ZNF827: variants seen among roughly 807,000 people sequenced by gnomAD.
The protein encoded by ZNF827 is zinc finger protein 827.
ZNF827 carries 13 observed loss-of-function variants against 102.4 expected under a neutral mutation model. That is an observed-to-expected ratio of 0.13 (90% CI 0.08 to 0.20). The LOEUF (loss-of-function observed/expected upper bound fraction) is 0.20. ZNF827 is among the 10% of genes least tolerant of loss of function. ZNF827 has a pLI of 1.00. For missense variants in ZNF827, 1,103 were observed against 1,344.4 expected (o/e 0.82, Z 2.81); for synonymous variants, 523 against 536.2 (o/e 0.98, Z 0.34).
intron 1 of ZNF827, among the ~76,000 whole-genome samples, chr4:145,935,772 C>A (rs566279778): frequency 3.0e-4 from 45 of 152,180 alleles, no homozygotes; most frequent in African/African-American, 1.0e-3. Context: ...AAAGGCCCAC[C>A]AAGCACACGA....
At chr4:145,815,626 A>G (rs747721065) in intron 8 of ZNF827, among the ~76,000 whole-genome samples, 1 of 152,244 alleles carries the variant, frequency 6.6e-6, no homozygotes, top group Admixed American at 6.5e-5. Flanking sequence ...AAAAGAAATA[A>G]ACACAAAGAA....
chr4:145,778,113 G>A (rs1737376445), intron 9 of ZNF827, among the ~76,000 whole-genome samples: 1 of 152,042 alleles, frequency 6.6e-6, no homozygotes, highest in Non-Finnish European at 1.5e-5. Flanking sequence ...GCAGCATGGA[G>A]AAACCCCATT....
chr4:145,789,569 A>C (rs1300242102), intron 8 of ZNF827, among the ~76,000 whole-genome samples: 1 of 152,212 alleles, frequency 6.6e-6, no homozygotes, highest in African/African-American at 2.4e-5. Context: ...ACAAAACAAA[A>C]GCAAAAACAG....
intron 8 of ZNF827, among the ~76,000 whole-genome samples, chr4:145,781,396 A>T (rs550711631): frequency 6.6e-6 from 1 of 152,214 alleles, no homozygotes; most frequent in South Asian, 2.1e-4. Context: ...CAGATAGGGA[A>T]GAAGAAACAA....
At chr4:145,787,882 G>A (rs770553401) in intron 8 of ZNF827, among the ~76,000 whole-genome samples, 1 of 152,092 alleles carries the variant, frequency 6.6e-6, no homozygotes, top group African/African-American at 2.4e-5. Flanking sequence ...CTTGCACAGG[G>A]TCAAGTAACC....
At chr4:145,840,238 C>T (rs1745278689) in intron 7 of ZNF827, among the ~76,000 whole-genome samples, 1 of 152,236 alleles carries the variant, frequency 6.6e-6, no homozygotes, top group African/African-American at 2.4e-5. Context: ...TGAAAAGACT[C>T]TCAAGTCCGC....
intron 3 of ZNF827, among the ~76,000 whole-genome samples, chr4:145,892,033 G>GGTT (rs1041157454): frequency 7.2e-5 from 11 of 152,204 alleles, no homozygotes; most frequent in Non-Finnish European, 1.5e-4. Context: ...GGATATCGAA[G>GGTT]GTTCTCTCTC....
Position 145,849,494 on chromosome 4 carries a change from G to C in ZNF827, c.2049C>G (p.Asp683Glu). The C allele has an allele frequency of 6.2e-7, 1 of 1,614,194 alleles. No homozygotes were observed. The highest frequency in any genetic ancestry group is 8.5e-7 in the Non-Finnish European group (1 of 1,180,042). Residue 683 changes from aspartate (D) to glutamate (E), a missense_variant, in exon 6 of 15, where the codon GAC becomes GAG. Physicochemically the swap from Asp to Glu is conservative, Grantham distance 45. Transcript: ENST00000508784. Reference sequence around the variant, plus strand: ...GGCTGGGTGATATCGAGACATGGGAGTCCTGGATGTCAACCTCCATGGGTT... The same window carrying C: ...GGCTGGGTGATATCGAGACATGGGACTCCTGGATGTCAACCTCCATGGGTT... ...KEEPMEVDIQ[D>E]SHVSISPSRN...
chr4:145,857,426 A>G (rs1304053456), intron 5 of ZNF827, among the ~76,000 whole-genome samples: 1 of 152,208 alleles, frequency 6.6e-6, no homozygotes, highest in African/African-American at 2.4e-5. Flanking sequence ...ACTCTTACGT[A>G]GATTTTTAAA....
chr4:145,935,899 G>T (rs1273534316), intron 1 of ZNF827, among the ~76,000 whole-genome samples: 1 of 152,174 alleles, frequency 6.6e-6, no homozygotes, highest in Non-Finnish European at 1.5e-5. Flanking sequence ...CAAGAGGAGG[G>T]AAGGCGTTCC....
rs934653772 is a variant in ZNF827 at position 145,858,123 on chromosome 4, G to A, written c.1982-8562C>T. 2.3e-5 allele frequency among the ~76,000 whole-genome samples: 3 copies of A among 129,678 alleles called. No individual in the cohort carries two copies. The East Asian group carries it at 7.6e-4, about 33-fold the overall frequency. The allele number at this position is 129,678 out of a possible 152,430, so 85.1% of individuals were successfully genotyped here. A position where few individuals can be genotyped will look rare whatever the true frequency, so the allele number is the denominator to read the frequency against. On this transcript the variant is annotated intron_variant, in intron 5 of 14. Coordinates refer to ENST00000508784, the MANE Select transcript of ZNF827 (RefSeq NM_001306215.2). Reference sequence around the variant, plus strand: ...TCCATGAACCAGAGTGCTGATGTGTGTGCATGTGTGAGTGTGTGTGTGTGT... The same window carrying A: ...TCCATGAACCAGAGTGCTGATGTGTATGCATGTGTGAGTGTGTGTGTGTGT...
At chr4:145,775,700 T>C in intron 10 of ZNF827, 89 bp downstream of exon 10, 2 of 1,500,062 alleles carry the variant, frequency 1.3e-6, no homozygotes, top group Non-Finnish European at 1.8e-6. Flanking sequence ...AAAAGGGGCC[T>C]CGTGATGTAT....
rs1746313277 is a variant in ZNF827, at chr4:145,849,473, G to A, written c.2070C>T (p.Pro690=). The change falls in exon 6 of 15, where the codon CCC becomes CCT. Residue 690 remains proline, a synonymous_variant. Transcript: ENST00000508784. Reference sequence around the variant, plus strand: ...AAGTGCTGTAGCCAACATTCCGGCTGGGTGATATCGAGACATGGGAGTCCT... The same window carrying A: ...AAGTGCTGTAGCCAACATTCCGGCTAGGTGATATCGAGACATGGGAGTCCT... ...DIQDSHVSIS[P]SRNVGYSTLI... The A allele has an allele frequency of 1.2e-6, 2 of 1,614,166 alleles. No homozygotes were observed. Among genetic ancestry groups the A allele is most frequent in the Non-Finnish European group, 1.7e-6 (2 of 1,180,042 alleles).
chr4:145,845,988 A>G lies in ZNF827; in HGVS notation c.2247T>C (p.His749=), dbSNP rs1299064489. ...LSEKVSKEHN[H]TKENTIRTTT... is the part of the protein sequence containing the mutation. ...TGGTCCGGATGGTGTTTTCTTTTGT[A>G]TGATTGTGCTCTTTGCTCACTTTTT... The change falls in exon 7 of 15, where the codon CAT becomes CAC. Residue 749 remains histidine (H), a synonymous_variant. Transcript: ENST00000508784. 3.1e-6 allele frequency: 5 copies of G among 1,614,088 alleles called. No homozygotes were observed. The South Asian group carries it at 5.5e-5, about 18-fold the overall frequency.
intron 11 of ZNF827, among the ~76,000 whole-genome samples, chr4:145,772,396 A>G (rs1273880563): frequency 6.6e-6 from 1 of 152,224 alleles, no homozygotes; most frequent in Non-Finnish European, 1.5e-5. Flanking sequence ...AGATTGATCT[A>G]TTTTGGGTCA....
At chr4:145,864,013 G>A (rs911463930) in intron 5 of ZNF827, among the ~76,000 whole-genome samples, 9 of 151,874 alleles carry the variant, frequency 5.9e-5, no homozygotes, top group Admixed American at 2.6e-4. Context: ...AGTCAACATG[G>A]TGAAACCCCA....
chr4:145,789,212 C>G (rs1206582157), intron 8 of ZNF827, among the ~76,000 whole-genome samples: 2 of 152,076 alleles, frequency 1.3e-5, no homozygotes, highest in Non-Finnish European at 2.9e-5. Context: ...GCTATACTAG[C>G]CTTACATTGC....
intron 5 of ZNF827, among the ~76,000 whole-genome samples, chr4:145,851,159 G>C (rs1160667588): frequency 4.6e-5 from 7 of 152,192 alleles, no homozygotes; most frequent in Admixed American, 4.6e-4. Flanking sequence ...AGTGCAGCCA[G>C]ACCAACATTT....
chr4:145,784,307 T>C (rs963090672), intron 8 of ZNF827, among the ~76,000 whole-genome samples: 15 of 152,364 alleles, frequency 9.8e-5, no homozygotes, highest in African/African-American at 3.6e-4. Context: ...TTTGGACTTT[T>C]TGTTTTGTGA....
Sources: allele counts gnomAD v4.1 joint callset (sites outside exome capture counted in the v4.1 genomes callset), GRCh38; gene constraint gnomAD v4.1.1; transcripts MANE v1.5; gene names NCBI Gene and HGNC (gene_info 2026-07-23, HGNC 2026-07-21).